The following CAMK2B variants were observed in gnomAD, a reference collection of about 807,000 sequenced individuals.
CAMK2B encodes calcium/calmodulin dependent protein kinase II beta, also known as calcium/calmodulin-dependent protein kinase type II subunit beta.
CAMK2B carries 27 observed loss-of-function variants against 93.7 expected under a neutral mutation model. The ratio of observed to expected loss-of-function variants is 0.29; its 90% CI spans 0.21 to 0.40. The LOEUF (loss-of-function observed/expected upper bound fraction) is 0.40, where lower values mean the gene tolerates loss of function less well. Among genes scored for constraint, CAMK2B ranks in the 10% least tolerant of loss-of-function variants. CAMK2B has a pLI of 1.00. For missense variants in CAMK2B, 568 were observed against 895.8 expected, an observed-to-expected ratio of 0.63 and a Z score of 4.67; for synonymous variants, 374 against 358.8, an observed-to-expected ratio of 1.04 and a Z score of -0.48.
At position 44,250,527 on chromosome 7, in the gene CAMK2B, CTTTTTTT is replaced by C. The variant is rs36056008; in HGVS notation, c.342-3342_342-3336del. Among the ~76,000 whole-genome samples, 5 of 117,806 alleles carry C rather than the reference CTTTTTTT, an allele frequency of 4.2e-5. No individual in the cohort carries two copies. In the East Asian group the frequency reaches 9.0e-4, roughly 21 times the overall value. 77.3% of individuals were successfully genotyped at this position (117,806 alleles called of 152,430 possible). ...CAGCCATCTTTCAGTAGTGACATTG[CTTTTTTT>C]TTTTTTTTTTTTTGAGATGGAGTCT... On this transcript the variant is annotated intron_variant, in intron 5 of 23. Coordinates refer to ENST00000395749, the MANE Select transcript of CAMK2B (RefSeq NM_001220.5).
At chr7:44,226,127 G>A (rs952027244) in intron 20 of CAMK2B, among the ~76,000 whole-genome samples, 2 of 152,090 alleles carry the variant, frequency 1.3e-5, no homozygotes, top group Non-Finnish European at 2.9e-5. Flanking sequence ...TTTCTGTCCC[G>A]GCCCAGCAGG....
At chr7:44,240,655 T>C (rs2096669629) in intron 12 of CAMK2B, 52 bp downstream of exon 12, 2 of 1,596,318 alleles carry the variant, frequency 1.3e-6, no homozygotes, top group Non-Finnish European at 1.7e-6. Flanking sequence ...CTCTCCTGCG[T>C]GGGCCAGCAG....
intron 1 of CAMK2B, among the ~76,000 whole-genome samples, chr7:44,320,050 G>T (rs574615908): frequency 1.3e-5 from 2 of 152,048 alleles, no homozygotes; most frequent in African/African-American, 4.8e-5. Context: ...CACATTTTAC[G>T]GCACGTACTT....
chr7:44,268,954 G>A (rs111506735), intron 2 of CAMK2B: 6 of 152,438 alleles, frequency 3.9e-5, no homozygotes, highest in African/African-American at 1.4e-4. Context: ...GACCAGGAGT[G>A]GTGGGGGAGA....
intron 15 of CAMK2B, among the ~76,000 whole-genome samples, chr7:44,233,791 C>T (rs2096601051): frequency 6.6e-6 from 1 of 152,178 alleles, no homozygotes; most frequent in Non-Finnish European, 1.5e-5. Context: ...AGCCCTGCCT[C>T]TCAGGCAGCC....
At chr7:44,276,063 G>T (rs1490747708) in intron 2 of CAMK2B, among the ~76,000 whole-genome samples, 3 of 152,170 alleles carry the variant, frequency 2.0e-5, no homozygotes, top group Admixed American at 2.0e-4. Context: ...GGAGGTTAGG[G>T]TAGGGAAGCA....
At chr7:44,281,058 C>T (rs1224938005) in intron 2 of CAMK2B, among the ~76,000 whole-genome samples, 1 of 152,224 alleles carries the variant, frequency 6.6e-6, no homozygotes, top group Non-Finnish European at 1.5e-5. Context: ...AGTGCCTCCA[C>T]CAGTGCCAGC....
intron 2 of CAMK2B, among the ~76,000 whole-genome samples, chr7:44,278,788 C>T (rs1373354293): frequency 6.6e-6 from 1 of 152,258 alleles, no homozygotes; most frequent in Admixed American, 6.5e-5. Context: ...CTGGGCAAGG[C>T]CAGCTCTGTC....
At chr7:44,239,868 T>A (rs1207260278) in intron 12 of CAMK2B, among the ~76,000 whole-genome samples, 1 of 152,108 alleles carries the variant, frequency 6.6e-6, no homozygotes, top group Non-Finnish European at 1.5e-5. Flanking sequence ...TTGCCTCCTT[T>A]CTCCTTAGAA....
chr7:44,322,702 C>T (rs1310941927), intron 1 of CAMK2B, among the ~76,000 whole-genome samples: 2 of 152,218 alleles, frequency 1.3e-5, no homozygotes, highest in Non-Finnish European at 2.9e-5. Flanking sequence ...AAAGCGGCCC[C>T]TCTTGGCTGG....
chr7:44,254,483 G>A (rs1294650750), intron 5 of CAMK2B, 59 bp downstream of exon 5: 22 of 1,235,666 alleles, frequency 1.8e-5, no homozygotes, highest in Non-Finnish European at 2.6e-5. Context: ...GTGGGTGAAG[G>A]AGGGATGGTG....
intron 13 of CAMK2B, among the ~76,000 whole-genome samples, chr7:44,235,521 G>A (rs1172986027): frequency 6.6e-6 from 1 of 152,264 alleles, no homozygotes; most frequent in Non-Finnish European, 1.5e-5. Context: ...AAAACCAAAA[G>A]AGGAAGTCAG....
In CAMK2B at chr7:44,242,644, C is replaced by T. The variant is rs752224374; in HGVS notation, c.612G>A (p.Leu204=). ...GTGGGTAGCCCACGAGCAGGATGTACAGGATCACCCCTGCGGATGGGGCCT... is the reference window on the plus strand; with the variant it reads ...GTGGGTAGCCCACGAGCAGGATGTATAGGATCACCCCTGCGGATGGGGCCT... The part of the protein sequence containing the change: ...PVDIWACGVI[L]YILLVGYPPF... Residue 204 remains leucine (L), a synonymous_variant, in exon 9 of 24, where the codon CTG becomes CTA. Transcript: ENST00000395749. 2 of 1,610,876 alleles carry T rather than the reference C, an allele frequency of 1.2e-6. No individual in the cohort carries two copies. Among genetic ancestry groups the T allele is most frequent in the Non-Finnish European group, 8.5e-7 (1 of 1,178,652 alleles).
chr7:44,224,042 T>C lies in CAMK2B; in HGVS notation c.1597+2474A>G, dbSNP rs1447914003. Among the ~76,000 whole-genome samples the C allele has an allele frequency of 2.0e-5, 3 of 152,270 alleles. No individual in the cohort carries two copies. The highest frequency in any genetic ancestry group is 3.2e-3 in the Middle Eastern group (1 of 316). ...TAATCTTCTGTTTAATGAAGTAATA[T>C]GCAGTGCTTTTAAACAAATTGTAAT... On this transcript the variant is annotated intron_variant, in intron 20 of 23. Transcript: ENST00000395749. This position sits in a 1 kb window ranked among gnomAD's most constrained non-coding sequence, Gnocchi z 4.4.
intron 1 of CAMK2B, among the ~76,000 whole-genome samples, chr7:44,290,884 C>A (rs967370455): frequency 6.6e-6 from 1 of 152,108 alleles, no homozygotes; most frequent in Non-Finnish European, 1.5e-5. Flanking sequence ...ATTATTGTTA[C>A]GTTTACAATG....
chr7:44,252,365 G>A (rs1474428248), intron 5 of CAMK2B, among the ~76,000 whole-genome samples: 2 of 151,866 alleles, frequency 1.3e-5, no homozygotes, highest in South Asian at 2.1e-4. Flanking sequence ...CCACACAGGG[G>A]GCCAAGAGGG....
chr7:44,299,570 A>T (rs902183469), intron 1 of CAMK2B, among the ~76,000 whole-genome samples: 6 of 152,052 alleles, frequency 3.9e-5, no homozygotes, highest in Non-Finnish European at 8.8e-5. Context: ...AATTAAAAAT[A>T]AATAAAAAGA....
intron 1 of CAMK2B, among the ~76,000 whole-genome samples, chr7:44,299,070 G>T (rs938535341): frequency 6.6e-6 from 1 of 152,060 alleles, no homozygotes; most frequent in Admixed American, 6.6e-5. Context: ...GTAAAGCAGG[G>T]ACTCAAACAG....
Position 44,229,437 on chromosome 7 carries a change from C to T in CAMK2B, c.1290G>A (p.Gly430=). ...RRGSGAPEAE[G]PLPCPSPAPF... is the part of the protein sequence containing the mutation. ...GAGCCGGAGATGGGCAGGGCAGGGG[C>T]CCCTCGGCTTCTGGGGCTCCCGAGC... is the stretch of plus-strand genomic sequence containing the variant. The change falls in exon 18 of 24, where the codon GGG becomes GGA. Residue 430 remains glycine, a synonymous_variant. Coordinates refer to ENST00000395749, the MANE Select transcript of CAMK2B (RefSeq NM_001220.5). 1 of 1,489,558 alleles carries T rather than the reference C, an allele frequency of 6.7e-7. No homozygotes were observed. The highest frequency in any genetic ancestry group is 1.8e-4 in the Middle Eastern group (1 of 5,680). The allele number at this position is 1,489,558 out of a possible 1,614,324, so 92.3% of individuals were successfully genotyped here.
Sources: allele counts gnomAD v4.1 joint callset (sites outside exome capture counted in the v4.1 genomes callset), GRCh38; gene constraint gnomAD v4.1.1; non-coding constraint Gnocchi (gnomAD v3.1); transcripts MANE v1.5; gene names NCBI Gene and HGNC (gene_info 2026-07-23, HGNC 2026-07-21).